Variants in CAMKK1 observed in about 807,000 individuals in gnomAD.
The protein encoded by CAMKK1 is calcium/calmodulin dependent protein kinase kinase 1.
A neutral mutation model predicts 63.5 loss-of-function variants in CAMKK1; 20 were observed. That is an observed-to-expected ratio of 0.32 (90% CI 0.22 to 0.46). CAMKK1 has a LOEUF of 0.46. Among genes scored for constraint, CAMKK1 ranks in the 20% least tolerant of loss-of-function variants. CAMKK1 has a pLI of 1.00. For missense variants in CAMKK1, 588 were observed against 658.1 expected (o/e 0.89, Z 1.17); for synonymous variants, 253 against 269.0 (o/e 0.94, Z 0.58).
chr17:3,866,218 G>A (rs2054516412), intron 14 of CAMKK1, among the ~76,000 whole-genome samples: 1 of 152,228 alleles, frequency 6.6e-6, no homozygotes, highest in South Asian at 2.1e-4. Flanking sequence ...GATGCCACTG[G>A]TACATGAGGA....
At position 3,862,226 on chromosome 17, in the gene CAMKK1, G is replaced by A. The variant is rs374110701; in HGVS notation, c.1503C>T (p.Asp501=). 95 of 1,589,806 alleles carry A rather than the reference G, an allele frequency of 6.0e-5. 1 individual carries two copies. Among genetic ancestry groups the A allele is most frequent in the Non-Finnish European group, 7.9e-5 (92 of 1,167,584 alleles). The change falls in exon 16 of 16, where the codon GAC becomes GAT. Residue 501 remains aspartate, a synonymous_variant. Transcript: ENST00000348335. This position sits in a 1 kb window ranked among gnomAD's most constrained non-coding sequence, Gnocchi z 4.1. Reference sequence around the variant, plus strand: ...ATGCAGGGGCTCAGGATGCAGCCTCGTCTTCCTGGACGCCGGGGAGCTCTG... The same window carrying A: ...ATGCAGGGGCTCAGGATGCAGCCTCATCTTCCTGGACGCCGGGGAGCTCTG... ...KSPELPGVQE[D]EAAS is the part of the protein sequence containing the mutation.
rs191868145 is a variant in CAMKK1, at chr17:3,869,552, C to T, written c.1276G>A (p.Val426Met). The T allele has an allele frequency of 8.9e-5, 144 of 1,614,226 alleles. No homozygotes were observed. Among genetic ancestry groups the T allele is most frequent in the Non-Finnish European group, 1.1e-4 (135 of 1,180,040 alleles). Residue 426 changes from valine (V) to methionine (M), a missense_variant, in exon 14 of 16, where the codon GTG becomes ATG. By Grantham distance (21) the Val-to-Met change is conservative. This residue lies in a region of CAMKK1 where 226 missense variants were observed against 229.2 expected (regional missense o/e 0.99). Coordinates refer to ENST00000348335, the MANE Select transcript of CAMKK1 (RefSeq NM_032294.3). ...PLPSEEEHCS[V>M]VEVTEEEVKN... ...ACCTCCTCCTCTGTCACCTCCACCA[C>T]GCTGCAGTGCTCCTCCTCCGAAGGA...
Position 3,882,954 on chromosome 17 carries a change from T to C in CAMKK1, c.648+88A>G. 1.3e-6 allele frequency: 2 copies of C among 1,528,724 alleles called. No homozygotes were observed. Among genetic ancestry groups the C allele is most frequent in the Non-Finnish European group, 1.8e-6 (2 of 1,126,458 alleles). 94.7% of individuals were successfully genotyped at this position (1,528,724 alleles called of 1,614,324 possible). Reference sequence around the variant, plus strand: ...ACATCTGCCACCTGGGCAAGATCCCTGGGTCTGTGCTAGGGGCTCCCCAGC... The same window carrying C: ...ACATCTGCCACCTGGGCAAGATCCCCGGGTCTGTGCTAGGGGCTCCCCAGC... On this transcript the variant is annotated intron_variant, in intron 6 of 15. Coordinates refer to ENST00000348335, the MANE Select transcript of CAMKK1 (RefSeq NM_032294.3). This position sits in a 1 kb window ranked among gnomAD's most constrained non-coding sequence, Gnocchi z 4.3.
At chr17:3,877,378 G>T (rs1362492562) in intron 9 of CAMKK1, among the ~76,000 whole-genome samples, 1 of 152,148 alleles carries the variant, frequency 6.6e-6, no homozygotes, top group African/African-American at 2.4e-5. Flanking sequence ...GACCTAATAG[G>T]CTGGAGGTCT....
rs1364778582 is a variant in CAMKK1 at position 3,884,093 on chromosome 17, A to T, written c.409-156T>A. 6.6e-6 allele frequency among the ~76,000 whole-genome samples: 1 copy of T among 151,968 alleles called. No individual in the cohort carries two copies. The highest frequency in any genetic ancestry group is 1.9e-4 in the East Asian group (1 of 5,170). On this transcript the variant is annotated intron_variant, in intron 3 of 15. Transcript: ENST00000348335. The surrounding 1 kb of genome is among the most constrained non-coding windows in gnomAD (Gnocchi z 4.5). ...CGGGCAAATATTGTAGCAGATGGGGAGGGGACTCCTGCGCCCTGGTAACTG... is the reference window on the plus strand; with the variant it reads ...CGGGCAAATATTGTAGCAGATGGGGTGGGGACTCCTGCGCCCTGGTAACTG...
rs2055255558 is a variant in CAMKK1 at position 3,878,239 on chromosome 17, C to T, written c.797-1817G>A. ...GCCCTCTCATGGCAGCCTCAACTCT[C>T]TCTTCTTGGGGCCAGAATCACAAGG... On this transcript the variant is annotated intron_variant, in intron 9 of 15. Transcript: ENST00000348335. 2.0e-5 allele frequency among the ~76,000 whole-genome samples: 3 copies of T among 152,202 alleles called. No individual in the cohort carries two copies. In the South Asian group the frequency reaches 6.2e-4, roughly 32 times the overall value.
chr17:3,868,810 G>A (rs1189619407), intron 14 of CAMKK1, among the ~76,000 whole-genome samples: 2 of 151,698 alleles, frequency 1.3e-5, no homozygotes, highest in Non-Finnish European at 2.9e-5. Context: ...CCACCACTGC[G>A]CCCGGCTAAT....
At position 3,881,358 on chromosome 17, in the gene CAMKK1, C is replaced by T. The variant is rs536561521; in HGVS notation, c.707+269G>A. ...TACCTAAAAAACACTCCTTTCTTCC[C>T]CCTCTCCTCCATCCCTATCTTCCTA... On this transcript the variant is annotated intron_variant, in intron 8 of 15. Transcript: ENST00000348335. Among the ~76,000 whole-genome samples the T allele has an allele frequency of 3.3e-5, 5 of 152,340 alleles. 1 individual carries two copies. The East Asian group carries it at 5.8e-4, about 18-fold the overall frequency.
intron 12 of CAMKK1, 27 bp downstream of exon 12, chr17:3,872,527 C>T: frequency 3.1e-6 from 5 of 1,599,562 alleles, no homozygotes; most frequent in Non-Finnish European, 4.3e-6. Flanking sequence ...GTGGTAGCCC[C>T]CTTGTTCCCC....
At chr17:3,871,594 G>A (rs1291689147) in intron 12 of CAMKK1, among the ~76,000 whole-genome samples, 1 of 149,924 alleles carries the variant, frequency 6.7e-6, no homozygotes, top group Non-Finnish European at 1.5e-5. Flanking sequence ...CTGACCTCGT[G>A]ATCCGCCCTC....
In CAMKK1 at chr17:3,881,992, C is replaced by G. The variant is rs80241832; in HGVS notation, c.686-344G>C. Reference sequence around the variant, plus strand: ...AGGGAGTGGAGACTAAAGCCTCAGCCTCTAATTCCTAAGCCAGTTCTTCTT... The same window carrying G: ...AGGGAGTGGAGACTAAAGCCTCAGCGTCTAATTCCTAAGCCAGTTCTTCTT... On this transcript the variant is annotated intron_variant, in intron 7 of 15. Transcript: ENST00000348335. 4,863 of 526,180 alleles carry G rather than the reference C, an allele frequency of 9.2e-3. 158 individuals are homozygous for G. The highest frequency in any genetic ancestry group is 0.062 in the East Asian group (1,946 of 31,490). 32.6% of individuals were successfully genotyped at this position (526,180 alleles called of 1,614,324 possible). A position where few individuals can be genotyped will look rare whatever the true frequency, so the allele number is the denominator to read the frequency against.
At chr17:3,880,783 C>CTTT (rs35363183) in intron 8 of CAMKK1, among the ~76,000 whole-genome samples, 1 of 144,066 alleles carries the variant, frequency 6.9e-6, no homozygotes. Flanking sequence ...GTGGCAACTG[C>CTTT]TTTTTTTTTT....
Position 3,890,729 on chromosome 17 carries a change from A to G in CAMKK1, c.-44+2210T>C. The stretch of plus-strand genomic sequence containing the variant: ...GCCACACCACAGCTTCCCAAATTGC[A>G]TACTCTGTTCTGCTGCCAGGCCTCA... On this transcript the variant is annotated intron_variant, in intron 1 of 15. Transcript: ENST00000348335. This position sits in a 1 kb window ranked among gnomAD's most constrained non-coding sequence, Gnocchi z 6.5. The G allele has an allele frequency of 1.3e-6, 1 of 779,712 alleles. No homozygotes were observed. The highest frequency in any genetic ancestry group is 2.4e-5 in the East Asian group (1 of 41,242). 48.3% of individuals were successfully genotyped at this position (779,712 alleles called of 1,614,324 possible). A position where few individuals can be genotyped will look rare whatever the true frequency, so the allele number is the denominator to read the frequency against.
chr17:3,866,850 G>C (rs760725022), intron 14 of CAMKK1, among the ~76,000 whole-genome samples: 1 of 152,094 alleles, frequency 6.6e-6, no homozygotes, highest in African/African-American at 2.4e-5. Context: ...CTCCTGAATA[G>C]CTGGGATTAC....
Position 3,890,237 on chromosome 17 carries a change from C to A in CAMKK1, c.-44+2702G>T, listed in dbSNP as rs2055841034. ...ATGACTCAGTCCCCTTGAGGGAGGCCCAGGCGTCTGGTGCCAAGTCATGCT... is the reference window on the plus strand; with the variant it reads ...ATGACTCAGTCCCCTTGAGGGAGGCACAGGCGTCTGGTGCCAAGTCATGCT... On this transcript the variant is annotated intron_variant, in intron 1 of 15. Transcript: ENST00000348335. The surrounding 1 kb of genome is among the most constrained non-coding windows in gnomAD (Gnocchi z 6.5). Among the ~76,000 whole-genome samples, 1 of 152,170 alleles carries A rather than the reference C, an allele frequency of 6.6e-6. No individual in the cohort carries two copies. The highest frequency in any genetic ancestry group is 2.1e-4 in the South Asian group (1 of 4,834).
rs748018542 is a variant in CAMKK1 at position 3,869,620 on chromosome 17, C to T, written c.1213-5G>A. 58 of 1,613,994 alleles carry T rather than the reference C, an allele frequency of 3.6e-5. No homozygotes were observed. Among genetic ancestry groups the T allele is most frequent in the South Asian group, 4.4e-5 (4 of 91,080 alleles). On this transcript the variant is annotated splice_polypyrimidine_tract_variant and splice_region_variant and intron_variant, in intron 13 of 15. Transcript: ENST00000348335. ...CTTGGTCACCCAAGGGTGCAACTGT[C>T]GGGGCCGGGAGGGCAGGGAGAGGGG...
intron 10 of CAMKK1, among the ~76,000 whole-genome samples, chr17:3,874,545 T>C (rs1332168405): frequency 6.6e-6 from 1 of 152,016 alleles, no homozygotes; most frequent in African/African-American, 2.4e-5. Context: ...CTAATTTTTG[T>C]ATTTTTTAGT....
rs763909403 is a variant in CAMKK1, at chr17:3,885,374, C to T, written c.314G>A (p.Arg105Gln). ...PASHISPRAWRRPTIESHHVA... is the reference protein window; with the variant it reads ...PASHISPRAWQRPTIESHHVA... Reference sequence around the variant, plus strand: ...GTGGTGGGACTCGATGGTGGGCCTCCGCCAGGCCCGGGGGGAGATGTGGCT... The same window carrying T: ...GTGGTGGGACTCGATGGTGGGCCTCTGCCAGGCCCGGGGGGAGATGTGGCT... Residue 105 changes from arginine to glutamine, a missense_variant, in exon 2 of 16, where the codon CGG becomes CAG. Around this residue, in one of 3 missense-constraint regions of CAMKK1, gnomAD observed 357 missense variants for 407.4 expected, o/e 0.88. Transcript: ENST00000348335. The T allele has an allele frequency of 2.7e-5, 44 of 1,608,934 alleles. No homozygotes were observed. The highest frequency in any genetic ancestry group is 3.3e-4 in the Middle Eastern group (2 of 6,036).
At chr17:3,888,595 C>A (rs2055759995) in intron 1 of CAMKK1, among the ~76,000 whole-genome samples, 1 of 152,250 alleles carries the variant, frequency 6.6e-6, no homozygotes, top group African/African-American at 2.4e-5. Context: ...ACAGTGCCTG[C>A]CACTAAGGAG....
Sources: allele counts gnomAD v4.1 joint callset (sites outside exome capture counted in the v4.1 genomes callset), GRCh38; gene constraint gnomAD v4.1.1; regional missense constraint gnomAD v4.1.1; non-coding constraint Gnocchi (gnomAD v3.1); transcripts MANE v1.5; gene names NCBI Gene and HGNC (gene_info 2026-07-23, HGNC 2026-07-21).